Variants in KCNK5 observed in about 807,000 individuals in gnomAD.
KCNK5 encodes potassium channel subfamily K member 5.
Under a neutral mutation model 32.9 loss-of-function variants are expected in KCNK5, and 18 were observed. The observed-to-expected ratio is 0.55, with a 90% CI of 0.38 to 0.81. The LOEUF (loss-of-function observed/expected upper bound fraction) is 0.81, where lower values mean the gene tolerates loss of function less well. Ranked by LOEUF, KCNK5 falls within the 30% of genes least tolerant of loss-of-function variation. The pLI, the probability that KCNK5 is intolerant of heterozygous loss-of-function variation, is 0.00. For synonymous variants in KCNK5, 276 were observed against 275.3 expected (o/e 1.00, Z -0.03); for missense variants, 507 against 651.0 (o/e 0.78, Z 2.41).
In KCNK5 at chr6:39,194,696, G is replaced by A. The variant is rs372357819; in HGVS notation, c.363C>T (p.Phe121=). The A allele has an allele frequency of 2.7e-5, 44 of 1,613,978 alleles. No individual in the cohort carries two copies. Among genetic ancestry groups the A allele is most frequent in the East Asian group, 6.7e-5 (3 of 44,880 alleles). The part of the protein sequence containing the change: ...GRLFCVFYGL[F]GVPLCLTWIS... ...TCCACGTCAGGCAGAGCGGCACCCC[G>A]AAGAGACCATAGAAAACACAGAAGA... Residue 121 remains phenylalanine (F), a synonymous_variant, in exon 3 of 5, where the codon TTC becomes TTT. Coordinates refer to ENST00000359534, the MANE Select transcript of KCNK5 (RefSeq NM_003740.4). This position sits in a 1 kb window ranked among gnomAD's most constrained non-coding sequence, Gnocchi z 4.7.
chr6:39,213,168 C>T (rs144779044), intron 1 of KCNK5, among the ~76,000 whole-genome samples: 99 of 152,316 alleles, frequency 6.5e-4, no homozygotes, highest in African/African-American at 2.0e-3. Flanking sequence ...CTGCTAAAAC[C>T]AGATGTTTGT....
chr6:39,192,156 T>A (rs908787624), intron 4 of KCNK5, among the ~76,000 whole-genome samples: 2 of 151,566 alleles, frequency 1.3e-5, no homozygotes, highest in African/African-American at 4.8e-5. Flanking sequence ...TAGCCAGGTA[T>A]GGTGGCGGGC....
At chr6:39,217,718 C>T (rs535674245) in intron 1 of KCNK5, among the ~76,000 whole-genome samples, 17 of 152,306 alleles carry the variant, frequency 1.1e-4, no homozygotes, top group African/African-American at 3.8e-4. Flanking sequence ...GAGCCACCCC[C>T]TGCCAACCTC....
Position 39,196,042 on chromosome 6 carries a change from T to C in KCNK5, c.187-55A>G, listed in dbSNP as rs558644181. On this transcript the variant is annotated intron_variant, in intron 1 of 4. Transcript: ENST00000359534. ...TGAGGCCACACTTAACAGATGCTGA[T>C]TGACAGAACTGCACTAAACTCCTTG... is the stretch of plus-strand genomic sequence containing the variant. The C allele has an allele frequency of 3.1e-4, 399 of 1,272,726 alleles. 4 individuals carry two copies. The Admixed American group carries it at 5.2e-3, about 16-fold the overall frequency. The allele number at this position is 1,272,726 out of a possible 1,614,324, so 78.8% of individuals were successfully genotyped here. A position where few individuals can be genotyped will look rare whatever the true frequency, so the allele number is the denominator to read the frequency against.
At position 39,194,320 on chromosome 6, in the gene KCNK5, C is replaced by T. The variant is rs774520727; in HGVS notation, c.483G>A (p.Thr161=). The change falls in exon 4 of 5, where the codon ACG becomes ACA. Residue 161 remains threonine (T), a synonymous_variant. Transcript: ENST00000359534. This position sits in a 1 kb window ranked among gnomAD's most constrained non-coding sequence, Gnocchi z 4.7. ...CCCACACGATGAAGATGACTGTGCACGTGATCTGCGCCTTCCGCTGATGGG... is the reference window on the plus strand; with the variant it reads ...CCCACACGATGAAGATGACTGTGCATGTGATCTGCGCCTTCCGCTGATGGG... ...RGVSLRKAQI[T]CTVIFIVWGV... The T allele has an allele frequency of 2.3e-5, 37 of 1,610,044 alleles. No individual in the cohort carries two copies. The highest frequency in any genetic ancestry group is 1.0e-4 in the Admixed American group (6 of 59,790).
At chr6:39,202,681 A>G (rs1425692486) in intron 1 of KCNK5, among the ~76,000 whole-genome samples, 1 of 152,196 alleles carries the variant, frequency 6.6e-6, no homozygotes, top group Non-Finnish European at 1.5e-5. Context: ...ATCTACTTCC[A>G]GCTGACCACT....
At position 39,190,738 on chromosome 6, in the gene KCNK5, A is replaced by T; in HGVS notation, c.*152T>A. 1.5e-6 allele frequency: 1 copy of T among 663,770 alleles called. No individual in the cohort carries two copies. The highest frequency in any genetic ancestry group is 2.4e-6 in the Non-Finnish European group (1 of 422,400). The allele number at this position is 663,770 out of a possible 1,614,324, so 41.1% of individuals were successfully genotyped here. Reference sequence around the variant, plus strand: ...CCTGTCCCGGGCATACATCTAGCTGAGGATGATGGAAGGTTAGGAAGGCCC... The same window carrying T: ...CCTGTCCCGGGCATACATCTAGCTGTGGATGATGGAAGGTTAGGAAGGCCC... On this transcript the variant is annotated 3_prime_UTR_variant, in exon 5 of 5. Coordinates refer to ENST00000359534, the MANE Select transcript of KCNK5 (RefSeq NM_003740.4).
chr6:39,191,625 G>A lies in KCNK5; in HGVS notation c.765C>T (p.Ala255=), dbSNP rs761247744. The A allele has an allele frequency of 1.2e-6, 2 of 1,614,060 alleles. No homozygotes were observed. Among genetic ancestry groups the A allele is most frequent in the Non-Finnish European group, 1.7e-6 (2 of 1,180,028 alleles). ...TCCGTCGCCGCCGCCGCTTCTTAAT[G>A]GCTTTGTGGACTTCCACAAACATGC... ...KVSMFVEVHK[A]IKKRRRRRKE... The change falls in exon 5 of 5, where the codon GCC becomes GCT. Residue 255 remains alanine (A), a synonymous_variant. Coordinates refer to ENST00000359534, the MANE Select transcript of KCNK5 (RefSeq NM_003740.4). The surrounding 1 kb of genome is among the most constrained non-coding windows in gnomAD (Gnocchi z 5.8).
intron 1 of KCNK5, among the ~76,000 whole-genome samples, chr6:39,220,328 AG>A (rs1771522564): frequency 6.6e-6 from 1 of 152,234 alleles, no homozygotes; most frequent in Admixed American, 6.5e-5. Flanking sequence ...ATATTTCAGC[AG>A]GAAACCCAAA....
Position 39,206,385 on chromosome 6 carries a change from G to C in KCNK5, c.187-10398C>G, listed in dbSNP as rs78930703. On this transcript the variant is annotated intron_variant, in intron 1 of 4. Transcript: ENST00000359534. ...ACCCCATTCCCCTGCAGATGCCTCA[G>C]ATTTACCTTGACCTTGGGGTGGGGT... Among the ~76,000 whole-genome samples the C allele has an allele frequency of 5.1e-3, 780 of 152,332 alleles. 12 individuals are homozygous for C. Among genetic ancestry groups the C allele is most frequent in the African/African-American group, 0.018 (745 of 41,580 alleles).
rs189659886 is a variant in KCNK5 at position 39,196,638 on chromosome 6, C to A, written c.187-651G>T. ...CATGCAAATCAGCAGGTCCTCCTTT[C>A]CCCCAGCCTAGGACTCTAATGTACC... is the stretch of plus-strand genomic sequence containing the variant. On this transcript the variant is annotated intron_variant, in intron 1 of 4. Coordinates refer to ENST00000359534, the MANE Select transcript of KCNK5 (RefSeq NM_003740.4). Among the ~76,000 whole-genome samples, 35 of 152,322 alleles carry A rather than the reference C, an allele frequency of 2.3e-4. 1 individual carries two copies. The East Asian group carries it at 6.6e-3, about 29-fold the overall frequency.
chr6:39,223,692 C>T (rs1771600803), intron 1 of KCNK5, among the ~76,000 whole-genome samples: 1 of 152,148 alleles, frequency 6.6e-6, no homozygotes, highest in Non-Finnish European at 1.5e-5. Flanking sequence ...TCTCTCCCTC[C>T]TCCCACCACC....
At chr6:39,207,242 C>T (rs892590714) in intron 1 of KCNK5, among the ~76,000 whole-genome samples, 3 of 152,250 alleles carry the variant, frequency 2.0e-5, no homozygotes, top group Non-Finnish European at 4.4e-5. Context: ...CCTCACTGCA[C>T]TCATCACTAC....
intron 1 of KCNK5, 61 bp from the exon 2 acceptor site, chr6:39,196,048 G>T: frequency 8.4e-7 from 1 of 1,194,806 alleles, no homozygotes; most frequent in Non-Finnish European, 1.2e-6. Context: ...CTGATTGACA[G>T]AACTGCACTA....
rs905078808 is a variant in KCNK5, at chr6:39,206,632, T to C, written c.187-10645A>G. On this transcript the variant is annotated intron_variant, in intron 1 of 4. Coordinates refer to ENST00000359534, the MANE Select transcript of KCNK5 (RefSeq NM_003740.4). ...CTCTGCACTGGCACACAAGCTGGGC[T>C]GGCCAGTCTCTCCAACACAAATATC... is the stretch of plus-strand genomic sequence containing the variant. Among the ~76,000 whole-genome samples the C allele has an allele frequency of 5.9e-5, 9 of 152,150 alleles. 1 individual carries two copies. Among genetic ancestry groups the C allele is most frequent in the African/African-American group, 2.2e-4 (9 of 41,434 alleles).
chr6:39,207,622 AGAG>A (rs1430958790), intron 1 of KCNK5, among the ~76,000 whole-genome samples: 1 of 143,120 alleles, frequency 7.0e-6, no homozygotes, highest in Non-Finnish European at 1.5e-5. Context: ...TCAGGATTCC[AGAG>A]GAAGCAGGCA....
chr6:39,226,472 G>A (rs978352864), intron 1 of KCNK5, among the ~76,000 whole-genome samples: 1 of 152,136 alleles, frequency 6.6e-6, no homozygotes, highest in Non-Finnish European at 1.5e-5. Flanking sequence ...AACTTTCAGG[G>A]TAAGAGAAAC....
intron 1 of KCNK5, among the ~76,000 whole-genome samples, chr6:39,199,217 T>C (rs1311612104): frequency 1.3e-5 from 2 of 152,200 alleles, no homozygotes; most frequent in South Asian, 2.1e-4. Context: ...GAAATGCTAG[T>C]GCCAAAGGTA....
intron 1 of KCNK5, among the ~76,000 whole-genome samples, chr6:39,222,119 G>C (rs182166844): frequency 2.0e-5 from 3 of 152,254 alleles, no homozygotes; most frequent in Non-Finnish European, 1.5e-5. Flanking sequence ...GCTACAACTG[G>C]AGCACACCAC....
Sources: gnomAD v4.1 joint callset for allele counts (sites outside exome capture counted in the v4.1 genomes callset) on GRCh38, gnomAD v4.1.1 for gene constraint, Gnocchi (gnomAD v3.1) non-coding constraint, MANE v1.5 for transcripts, NCBI Gene and HGNC (gene_info 2026-07-23, HGNC 2026-07-21) for gene names.